The following PNPLA3 variants were observed in gnomAD, a reference collection of about 807,000 sequenced individuals.
PNPLA3 encodes the protein 1-acylglycerol-3-phosphate O-acyltransferase PNPLA3.
Under a neutral mutation model 43.1 loss-of-function variants are expected in PNPLA3, and 42 were observed. The observed-to-expected ratio is 0.97, with a 90% confidence interval of 0.76 to 1.26. The LOEUF is 1.26. Ranked by LOEUF, PNPLA3 falls within the 50% of genes most tolerant of loss-of-function variation. The probability of loss-of-function intolerance (pLI) is 0.00; values close to 1 mark genes in which losing one functional copy is unlikely to be tolerated. For synonymous variants in PNPLA3, 272 were observed against 253.6 expected (o/e 1.07, Z -0.69); for missense variants, 647 against 621.4 (o/e 1.04, Z -0.44).
At position 43,924,067 on chromosome 22, in the gene PNPLA3, C is replaced by G. The variant is rs754475692; in HGVS notation, c.156C>G (p.His52Gln). 6.4e-7 allele frequency: 1 copy of G among 1,573,014 alleles called. No homozygotes were observed. The highest frequency in any genetic ancestry group is 8.6e-7 in the Non-Finnish European group (1 of 1,169,036). ...TCGGCGCTTCGGCCGGGGCGTTGCA[C>G]TGCGTCGGCGTCCTCTCCGGTATCC... Reference protein sequence around the residue: ...MLFGASAGALHCVGVLSGIPL... With the variant: ...MLFGASAGALQCVGVLSGIPL... The change falls in exon 1 of 9, where the codon CAC (histidine) becomes CAG (glutamine). Residue 52 changes from histidine to glutamine, a missense_variant. Coordinates refer to ENST00000216180, the MANE Select transcript of PNPLA3 (RefSeq NM_025225.3).
Position 43,946,944 on chromosome 22 carries a change from C to T in PNPLA3, c.*562C>T, listed in dbSNP as rs1185992797. On this transcript the variant is annotated 3_prime_UTR_variant, in exon 9 of 9. Coordinates refer to ENST00000216180, the MANE Select transcript of PNPLA3 (RefSeq NM_025225.3). ...TGATAATCTACTTAATTTTAGAACA[C>T]CTTTTTCACCTAACTAAAATAATGT... 3.3e-6 allele frequency: 1 copy of T among 304,066 alleles called. No homozygotes were observed. The highest frequency in any genetic ancestry group is 6.5e-6 in the Non-Finnish European group (1 of 154,944). 18.8% of individuals were successfully genotyped at this position (304,066 alleles called of 1,614,324 possible). A position where few individuals can be genotyped will look rare whatever the true frequency, so the allele number is the denominator to read the frequency against.
At chr22:43,924,482 T>G in intron 1 of PNPLA3, 1 of 204,726 alleles carries the variant, frequency 4.9e-6, no homozygotes, top group Non-Finnish European at 9.7e-6. Context: ...GGACTCCGGG[T>G]CCCCTGTGTC....
intron 7 of PNPLA3, among the ~76,000 whole-genome samples, chr22:43,942,797 G>A (rs2050039942): frequency 7.0e-6 from 1 of 143,652 alleles, no homozygotes. Flanking sequence ...GAACCTCCCA[G>A]ACTCAAGTGA....
Position 43,926,954 on chromosome 22 carries a change from C to T in PNPLA3, c.207C>T (p.Leu69=). The T allele has an allele frequency of 6.2e-7, 1 of 1,614,234 alleles. No homozygotes were observed. Among genetic ancestry groups the T allele is most frequent in the Middle Eastern group, 1.6e-4 (1 of 6,062 alleles). ...CCCCAGAGCAGACTCTGCAGGTCCT[C>T]TCAGATCTTGTGCGGAAGGCCAGGA... The part of the protein sequence containing the change: ...GIPLEQTLQV[L]SDLVRKARSR... The change falls in exon 2 of 9, where the codon CTC becomes CTT. Residue 69 remains leucine, a synonymous_variant. Coordinates refer to ENST00000216180, the MANE Select transcript of PNPLA3 (RefSeq NM_025225.3).
chr22:43,940,207 A>C, intron 7 of PNPLA3, 82 bp downstream of exon 7: 1 of 1,480,024 alleles, frequency 6.8e-7, no homozygotes, highest in South Asian at 1.2e-5. Context: ...GGTGGCATGT[A>C]GTCTGGGACC....
intron 7 of PNPLA3, 43 bp downstream of exon 7, chr22:43,940,168 T>C (rs890013575): frequency 1.9e-6 from 3 of 1,585,966 alleles, no homozygotes; most frequent in East Asian, 2.2e-5. Context: ...ACAGGGTTGA[T>C]ATGAGGATGA....
At position 43,946,636 on chromosome 22, in the gene PNPLA3, AG is replaced by A. The variant is rs746933163; in HGVS notation, c.*257del. The stretch of plus-strand genomic sequence containing the variant: ...AATGACACCAGGAAGCCCAGTGCAG[AG>A]GGTCCCTTACTGACTGTTTCGTGGC... On this transcript the variant is annotated 3_prime_UTR_variant, in exon 9 of 9. Coordinates refer to ENST00000216180, the MANE Select transcript of PNPLA3 (RefSeq NM_025225.3). 1.2e-5 allele frequency: 8 copies of A among 686,970 alleles called. No homozygotes were observed. Among genetic ancestry groups the A allele is most frequent in the Non-Finnish European group, 2.2e-5 (8 of 369,730 alleles). 42.6% of individuals were successfully genotyped at this position (686,970 alleles called of 1,614,324 possible).
chr22:43,926,922 C>G lies in PNPLA3; in HGVS notation c.188-13C>G. On this transcript the variant is annotated splice_polypyrimidine_tract_variant and intron_variant, in intron 1 of 8. Coordinates refer to ENST00000216180, the MANE Select transcript of PNPLA3 (RefSeq NM_025225.3). ...GTGGTACATTCTTTCATGTATTTGT[C>G]TCCTGTCCCCAGAGCAGACTCTGCA... The G allele has an allele frequency of 6.2e-7, 1 of 1,610,676 alleles. No homozygotes were observed. The highest frequency in any genetic ancestry group is 8.5e-7 in the Non-Finnish European group (1 of 1,176,974).
chr22:43,946,275 C>T lies in PNPLA3; in HGVS notation c.1339C>T (p.Arg447Trp), dbSNP rs143404144. The stretch of plus-strand genomic sequence containing the variant: ...AGAGACCAAAGCAGAGGCCACCCCG[C>T]GGTCCATCCTCAGGTCCAGCCTGAA... ...PAETKAEATP[R>W]SILRSSLNFF... Residue 447 changes from arginine to tryptophan, a missense_variant, in exon 9 of 9, where the codon CGG (arginine) becomes TGG (tryptophan). By Grantham distance (101) the Arg-to-Trp change is moderately radical. Transcript: ENST00000216180. 37 of 1,614,216 alleles carry T rather than the reference C, an allele frequency of 2.3e-5. No homozygotes were observed. The Admixed American group carries it at 2.3e-4, about 10-fold the overall frequency.
At chr22:43,927,501 A>AG (rs2049932130) in intron 2 of PNPLA3, among the ~76,000 whole-genome samples, 2 of 150,532 alleles carry the variant, frequency 1.3e-5, no homozygotes, top group African/African-American at 4.9e-5. Context: ...AAAAAAAAAA[A>AG]AAAGAAAGAC....
At chr22:43,934,743 T>G in intron 5 of PNPLA3, 77 bp downstream of exon 5, 1 of 1,420,306 alleles carries the variant, frequency 7.0e-7, no homozygotes, top group Non-Finnish European at 1.0e-6. Context: ...ACTTGAGATT[T>G]GCCTTAGTTC....
rs1603417661 is a variant in PNPLA3, at chr22:43,946,905, CG to C, written c.*528del. On this transcript the variant is annotated 3_prime_UTR_variant, in exon 9 of 9. Transcript: ENST00000216180. ...TTGACTACTAAAAACGTCTCCATGG[CG>C]GGGGTAACAAGATGATAATCTACTT... The C allele has an allele frequency of 1.2e-5, 4 of 320,946 alleles. No individual in the cohort carries two copies. The highest frequency in any genetic ancestry group is 2.5e-5 in the Non-Finnish European group (4 of 162,678). 19.9% of individuals were successfully genotyped at this position (320,946 alleles called of 1,614,324 possible). A position where few individuals can be genotyped will look rare whatever the true frequency, so the allele number is the denominator to read the frequency against.
At position 43,944,343 on chromosome 22, in the gene PNPLA3, G is replaced by A. The variant is rs150008869; in HGVS notation, c.1113-348G>A. ...CTCTGCTGGGCTCACATGTGACCAA[G>A]CACAGCAAACCATGAGGCAGGGGAT... On this transcript the variant is annotated intron_variant, in intron 7 of 8. Coordinates refer to ENST00000216180, the MANE Select transcript of PNPLA3 (RefSeq NM_025225.3). Among the ~76,000 whole-genome samples, 35 of 152,296 alleles carry A rather than the reference G, an allele frequency of 2.3e-4. 1 individual carries two copies. In the South Asian group the frequency reaches 6.4e-3, roughly 28 times the overall value.
intron 1 of PNPLA3, among the ~76,000 whole-genome samples, chr22:43,926,328 T>G: frequency 6.6e-6 from 1 of 152,100 alleles, no homozygotes; most frequent in East Asian, 1.9e-4. Flanking sequence ...GGAGGGGTGG[T>G]CTTGCATGCC....
chr22:43,935,353 G>C (rs777024067), intron 5 of PNPLA3, among the ~76,000 whole-genome samples: 1 of 152,204 alleles, frequency 6.6e-6, no homozygotes, highest in Non-Finnish European at 1.5e-5. Flanking sequence ...GGATACTGCA[G>C]TGAACACAGA....
intron 3 of PNPLA3, among the ~76,000 whole-genome samples, chr22:43,931,497 T>A (rs2049961451): frequency 6.6e-6 from 1 of 152,170 alleles, no homozygotes; most frequent in Non-Finnish European, 1.5e-5. Context: ...TTTCATTCTG[T>A]GTCTCTTTAT....
chr22:43,941,464 T>G (rs1303614062), intron 7 of PNPLA3, among the ~76,000 whole-genome samples: 1 of 152,162 alleles, frequency 6.6e-6, no homozygotes, highest in Non-Finnish European at 1.5e-5. Flanking sequence ...TCCACCTCTC[T>G]GTGCTGCAGC....
intron 2 of PNPLA3, 51 bp downstream of exon 2, chr22:43,927,218 G>C (rs746208824): frequency 1.3e-6 from 2 of 1,551,324 alleles, no homozygotes; most frequent in South Asian, 2.3e-5. Flanking sequence ...GCTGTTTTGG[G>C]ATGGGTGTGG....
chr22:43,930,423 C>T (rs762682321), intron 3 of PNPLA3, among the ~76,000 whole-genome samples: 6 of 152,170 alleles, frequency 3.9e-5, no homozygotes, highest in Non-Finnish European at 7.3e-5. Flanking sequence ...TTTGGATTTC[C>T]GACATTGCCA....
Sources: allele counts gnomAD v4.1 joint callset (sites outside exome capture counted in the v4.1 genomes callset), GRCh38; gene constraint gnomAD v4.1.1; transcripts MANE v1.5; gene names NCBI Gene and HGNC (gene_info 2026-07-23, HGNC 2026-07-21).